ANKRD7: variants seen among roughly 807,000 people sequenced by gnomAD.
ANKRD7 encodes ankyrin repeat domain 7, also known as ankyrin repeat domain-containing protein 7.
A neutral mutation model predicts 30.8 loss-of-function variants in ANKRD7; 30 were observed. That is an observed-to-expected ratio of 0.97 (90% CI 0.73 to 1.32). The LOEUF (loss-of-function observed/expected upper bound fraction) is 1.32, where lower values mean the gene tolerates loss of function less well. Ranked by LOEUF, ANKRD7 falls within the 40% of genes most tolerant of loss-of-function variation. The pLI, the probability that ANKRD7 is intolerant of heterozygous loss-of-function variation, is 0.00. For missense variants in ANKRD7, 264 were observed against 295.7 expected (o/e 0.89, Z 0.79); for synonymous variants, 97 against 106.6 (o/e 0.91, Z 0.55).
chr7:118,230,439 A>G (rs199668414), intron 1 of ANKRD7, among the ~76,000 whole-genome samples: 2,795 of 152,122 alleles, frequency 0.018, 41 homozygotes, highest in East Asian at 0.077. Flanking sequence ...CTAAAAAAAA[A>G]GGATAGTGAC....
chr7:118,232,643 A>G (rs1809661709), intron 1 of ANKRD7, among the ~76,000 whole-genome samples: 3 of 151,964 alleles, frequency 2.0e-5, no homozygotes, highest in Admixed American at 6.6e-5. Flanking sequence ...AGAGCGAGGT[A>G]TACAGCAGGG....
chr7:118,228,078 A>C, intron 1 of ANKRD7: 2 of 1,274,398 alleles, frequency 1.6e-6, no homozygotes, highest in Non-Finnish European at 2.0e-6. Context: ...TTTATTTGCC[A>C]TATCAGTGGT....
Position 118,242,403 on chromosome 7 carries a change from A to G in ANKRD7, c.*92A>G, listed in dbSNP as rs1015616599. On this transcript the variant is annotated 3_prime_UTR_variant, in exon 7 of 7. Coordinates refer to ENST00000265224, the MANE Select transcript of ANKRD7 (RefSeq NM_019644.4). The stretch of plus-strand genomic sequence containing the variant: ...CCGCTTCCTTGAATTGGAAAAATGT[A>G]CTTTGAAAGAACCGTTAAGTGAACT... 2.0e-5 allele frequency: 3 copies of G among 152,058 alleles called. No homozygotes were observed. The highest frequency in any genetic ancestry group is 4.4e-5 in the Non-Finnish European group (3 of 67,996). 9.4% of individuals were successfully genotyped at this position (152,058 alleles called of 1,614,324 possible). A position where few individuals can be genotyped will look rare whatever the true frequency, so the allele number is the denominator to read the frequency against.
At chr7:118,239,119 C>A (rs1809780606) in intron 5 of ANKRD7, among the ~76,000 whole-genome samples, 1 of 152,140 alleles carries the variant, frequency 6.6e-6, no homozygotes, top group Non-Finnish European at 1.5e-5. Context: ...TGTCCTTAAC[C>A]CCTGGGCCAT....
intron 6 of ANKRD7, among the ~76,000 whole-genome samples, chr7:118,241,499 G>C (rs1343777900): frequency 7.2e-6 from 1 of 138,040 alleles, no homozygotes; most frequent in Non-Finnish European, 1.6e-5. Context: ...AATAAACTTA[G>C]GGGAGAATTT....
intron 1 of ANKRD7, among the ~76,000 whole-genome samples, chr7:118,229,059 C>T (rs1472384007): frequency 1.3e-5 from 2 of 152,134 alleles, no homozygotes; most frequent in Non-Finnish European, 2.9e-5. Context: ...CTGATCTTAC[C>T]TCCTACAACT....
At chr7:118,225,111 G>A (rs1249598917) in intron 1 of ANKRD7, 102 bp downstream of exon 1, 10 of 1,328,004 alleles carry the variant, frequency 7.5e-6, no homozygotes, top group East Asian at 2.4e-5. Flanking sequence ...TTGTCACTCC[G>A]GGTTTCCCAA....
In ANKRD7 at chr7:118,234,427, A is replaced by G. The variant is rs778287504; in HGVS notation, c.180-4A>G. ...TAACTTTGTGTTTTGTTTTATTGAC[A>G]TAGAACACCTTTGCACCTAGCCTGT... On this transcript the variant is annotated splice_region_variant and splice_polypyrimidine_tract_variant and intron_variant, in intron 1 of 6. Coordinates refer to ENST00000265224, the MANE Select transcript of ANKRD7 (RefSeq NM_019644.4). The G allele has an allele frequency of 1.3e-6, 2 of 1,570,472 alleles. No homozygotes were observed. Among genetic ancestry groups the G allele is most frequent in the Non-Finnish European group, 8.6e-7 (1 of 1,160,290 alleles).
In ANKRD7 at chr7:118,236,826, A is replaced by G. The variant is rs1809738463; in HGVS notation, c.612A>G (p.Pro204=). 2.5e-6 allele frequency: 4 copies of G among 1,614,018 alleles called. No homozygotes were observed. The highest frequency in any genetic ancestry group is 3.4e-6 in the Non-Finnish European group (4 of 1,179,916). ...TTCTTGCTGTCAGTGGTGAACCACC[A>G]TGTTTAGTAAAGCTTCTTCTTCAGC... ...ALILAVSGEP[P]CLVKLLLQQG... Residue 204 remains proline, a synonymous_variant, in exon 5 of 7, where the codon CCA becomes CCG. Transcript: ENST00000265224.
intron 1 of ANKRD7, among the ~76,000 whole-genome samples, chr7:118,231,846 G>A (rs1212966950): frequency 2.0e-5 from 3 of 151,958 alleles, no homozygotes; most frequent in Non-Finnish European, 4.4e-5. Context: ...AAATGACATC[G>A]GTTAGCCTGA....
chr7:118,225,124 AAGAG>A (rs1809519166), intron 1 of ANKRD7, 115 bp downstream of exon 1: 1 of 1,207,158 alleles, frequency 8.3e-7, no homozygotes, highest in Admixed American at 2.6e-5. Flanking sequence ...TTTCCCAAAG[AAGAG>A]AGATTGTCTG....
chr7:118,241,557 TGAGGTGGAGTCTCAC>T (rs1809847242), intron 6 of ANKRD7, among the ~76,000 whole-genome samples: 1 of 139,996 alleles, frequency 7.1e-6, no homozygotes, highest in Non-Finnish European at 1.5e-5. Context: ...TTTCTGTTTT[TGAGGTGGAGTCTCAC>T]TCTGTCACCC....
In ANKRD7 at chr7:118,235,971, G is replaced by A; in HGVS notation, c.469-70G>A. ...AAGTTCTTATGCACACATATTTTAA[G>A]TTGAACTTAAATCTAAAGAGCATGA... On this transcript the variant is annotated intron_variant, in intron 3 of 6. Transcript: ENST00000265224. 14 of 784,892 alleles carry A rather than the reference G, an allele frequency of 1.8e-5. No individual in the cohort carries two copies. The South Asian group carries it at 2.3e-4, about 13-fold the overall frequency. The allele number at this position is 784,892 out of a possible 1,614,324, so 48.6% of individuals were successfully genotyped here. A position where few individuals can be genotyped will look rare whatever the true frequency, so the allele number is the denominator to read the frequency against.
intron 1 of ANKRD7, among the ~76,000 whole-genome samples, chr7:118,233,511 TTTTG>T (rs1323473232): frequency 9.9e-5 from 15 of 152,090 alleles, no homozygotes; most frequent in Admixed American, 3.9e-4. Context: ...TGTGTATAGG[TTTTG>T]TTTGTTTATC....
In ANKRD7 at chr7:118,236,004, C is replaced by G. The variant is rs773121853; in HGVS notation, c.469-37C>G. 11 of 1,163,940 alleles carry G rather than the reference C, an allele frequency of 9.5e-6. No homozygotes were observed. The East Asian group carries it at 2.1e-4, about 23-fold the overall frequency. 72.1% of individuals were successfully genotyped at this position (1,163,940 alleles called of 1,614,324 possible). A position where few individuals can be genotyped will look rare whatever the true frequency, so the allele number is the denominator to read the frequency against. ...TAAATCTAAAGAGCATGAAAATTTG[C>G]TACAATATTTTAATCATTTTTAAAT... On this transcript the variant is annotated intron_variant, in intron 3 of 6. Transcript: ENST00000265224.
At chr7:118,226,745 G>A (rs140249076) in intron 1 of ANKRD7, among the ~76,000 whole-genome samples, 58 of 152,084 alleles carry the variant, frequency 3.8e-4, no homozygotes, top group African/African-American at 1.3e-3. Flanking sequence ...CATGGCATAC[G>A]TAACCTTTTC....
Position 118,234,734 on chromosome 7 carries a change from A to C in ANKRD7, c.328A>C (p.Ile110Leu), listed in dbSNP as rs766001342. 8.1e-6 allele frequency: 13 copies of C among 1,611,580 alleles called. No individual in the cohort carries two copies. The highest frequency in any genetic ancestry group is 1.3e-5 in the African/African-American group (1 of 74,798). Residue 110 changes from isoleucine to leucine, a missense_variant, in exon 3 of 7, where the codon ATT (isoleucine) becomes CTT (leucine). Coordinates refer to ENST00000265224, the MANE Select transcript of ANKRD7 (RefSeq NM_019644.4). ...VQCQNEDCAT[I>L]LLNFGADPDL... ...GTGTCAAAATGAGGATTGTGCTACT[A>C]TTCTTCTAAACTTTGGTGCAGACCC...
chr7:118,240,926 G>T (rs57855155), intron 6 of ANKRD7, among the ~76,000 whole-genome samples: 1 of 150,616 alleles, frequency 6.6e-6, no homozygotes, highest in Non-Finnish European at 1.5e-5. Context: ...AAGCCGAGGC[G>T]GGTGGATCAT....
chr7:118,241,520 C>CTTTTTTTTT (rs1809843342), intron 6 of ANKRD7, among the ~76,000 whole-genome samples: 1 of 85,850 alleles, frequency 1.2e-5, no homozygotes, highest in African/African-American at 4.4e-5. Context: ...CTCTGAATTA[C>CTTTTTTTTT]CTTTTTTTTT....
Sources: allele counts gnomAD v4.1 joint callset (sites outside exome capture counted in the v4.1 genomes callset), GRCh38; gene constraint gnomAD v4.1.1; transcripts MANE v1.5; gene names NCBI Gene and HGNC (gene_info 2026-07-23, HGNC 2026-07-21).